The following PPARGC1A variants were observed in gnomAD, a reference collection of about 807,000 sequenced individuals.
The protein encoded by PPARGC1A is PPARG coactivator 1 alpha.
A neutral mutation model predicts 88.7 loss-of-function variants in PPARGC1A; 25 were observed. The observed-to-expected ratio is 0.28, with a 90% confidence interval of 0.21 to 0.39. PPARGC1A has a LOEUF of 0.39. PPARGC1A is among the 10% of genes least tolerant of loss of function. The pLI, the probability that PPARGC1A is intolerant of heterozygous loss-of-function variation, is 1.00. For synonymous variants in PPARGC1A, 363 were observed against 355.6 expected, an observed-to-expected ratio of 1.02 and a Z score of -0.24; for missense variants, 880 against 968.7, an observed-to-expected ratio of 0.91 and a Z score of 1.22.
the PPARGC1A span, among the ~76,000 whole-genome samples, chr4:24,353,023 C>T: frequency 1.3e-5 from 2 of 152,174 alleles, no homozygotes; most frequent in African/African-American, 4.8e-5. Flanking sequence ...CCAACGTTCT[C>T]TCTGGGTGAC....
chr4:24,374,241 C>T, the PPARGC1A span, among the ~76,000 whole-genome samples: 1 of 152,142 alleles, frequency 6.6e-6, no homozygotes, highest in Non-Finnish European at 1.5e-5. Context: ...TTCTATCTGC[C>T]TCTATCCCTG....
chr4:24,245,574 T>C, the PPARGC1A span, among the ~76,000 whole-genome samples: 2 of 152,318 alleles, frequency 1.3e-5, no homozygotes, highest in South Asian at 4.1e-4. Context: ...AGAAGTTAAT[T>C]TGAGGCACAT....
the PPARGC1A span, among the ~76,000 whole-genome samples, chr4:23,995,433 C>T: frequency 6.6e-6 from 1 of 152,180 alleles, no homozygotes; most frequent in African/African-American, 2.4e-5. Context: ...ACCATTTGAT[C>T]ATGTCACAGT....
At chr4:23,946,105 G>A in the PPARGC1A span, among the ~76,000 whole-genome samples, 1 of 152,132 alleles carries the variant, frequency 6.6e-6, no homozygotes, top group Non-Finnish European at 1.5e-5. Context: ...TAGGGGCAAA[G>A]CACAGGGAAT....
At chr4:24,425,646 G>A in the PPARGC1A span, among the ~76,000 whole-genome samples, 2 of 152,170 alleles carry the variant, frequency 1.3e-5, no homozygotes, top group Non-Finnish European at 2.9e-5. Context: ...GAAGTTAAAA[G>A]TAATAAATCA....
At chr4:24,108,726 C>G in the PPARGC1A span, among the ~76,000 whole-genome samples, 1 of 152,116 alleles carries the variant, frequency 6.6e-6, no homozygotes, top group Non-Finnish European at 1.5e-5. Flanking sequence ...TAAGTCACAG[C>G]TGTGCACATT....
the PPARGC1A span, among the ~76,000 whole-genome samples, chr4:24,000,512 GCT>G: frequency 6.3e-5 from 1 of 15,770 alleles, no homozygotes; most frequent in East Asian, 7.2e-4. Context: ...TGCAGCAGGT[GCT>G]TTTTTTTAAT....
At chr4:24,090,628 G>A in the PPARGC1A span, among the ~76,000 whole-genome samples, 3 of 152,204 alleles carry the variant, frequency 2.0e-5, no homozygotes, top group East Asian at 5.8e-4. Context: ...ACACAGAAGT[G>A]TTCTTTTTTC....
chr4:24,137,734 T>G, the PPARGC1A span, among the ~76,000 whole-genome samples: 1 of 152,138 alleles, frequency 6.6e-6, no homozygotes, highest in Non-Finnish European at 1.5e-5. Flanking sequence ...CATGGGAAGA[T>G]TCATATCTCA....
the PPARGC1A span, among the ~76,000 whole-genome samples, chr4:24,292,499 AC>A: frequency 4.1e-5 from 4 of 98,626 alleles, no homozygotes; most frequent in Non-Finnish European, 6.3e-5. Flanking sequence ...CTAACCCCTC[AC>A]CCCCACCCCT....
chr4:23,848,441 A>G lies in PPARGC1A; in HGVS notation c.235-16690T>C, dbSNP rs191651933. 1.6e-4 allele frequency among the ~76,000 whole-genome samples: 24 copies of G among 152,242 alleles called. No homozygotes were observed. In the East Asian group the frequency reaches 4.1e-3, roughly 26 times the overall value. Reference sequence around the variant, plus strand: ...AGTCCTCTTTGCCTGAGCTCCCATCAGTGGTTGTAGACAAACTTTCCAGGT... The same window carrying G: ...AGTCCTCTTTGCCTGAGCTCCCATCGGTGGTTGTAGACAAACTTTCCAGGT... On this transcript the variant is annotated intron_variant, in intron 2 of 12. Transcript: ENST00000264867.
the PPARGC1A span, among the ~76,000 whole-genome samples, chr4:24,008,075 C>T: frequency 2.0e-5 from 3 of 152,080 alleles, no homozygotes; most frequent in African/African-American, 4.8e-5. Context: ...GAACAAAGCA[C>T]GACAGAGAAG....
At chr4:24,123,019 GTGTGTGTGCA>G in the PPARGC1A span, among the ~76,000 whole-genome samples, 1 of 152,200 alleles carries the variant, frequency 6.6e-6, no homozygotes, top group Non-Finnish European at 1.5e-5. Context: ...TTGAGTGTGT[GTGTGTGTGCA>G]TGTGTGTGCA....
At chr4:24,173,325 G>C in the PPARGC1A span, among the ~76,000 whole-genome samples, 3 of 120,062 alleles carry the variant, frequency 2.5e-5, no homozygotes, top group Middle Eastern at 5.1e-3. Flanking sequence ...GGACAAATAA[G>C]TCCTTTCCCC....
the PPARGC1A span, among the ~76,000 whole-genome samples, chr4:23,935,196 G>A: frequency 6.6e-6 from 1 of 152,182 alleles, no homozygotes; most frequent in Non-Finnish European, 1.5e-5. Context: ...GCAGGATCAA[G>A]CACTGGCAAG....
the PPARGC1A span, among the ~76,000 whole-genome samples, chr4:24,436,876 C>G: frequency 9.7e-5 from 14 of 144,562 alleles, no homozygotes; most frequent in African/African-American, 1.5e-4. Flanking sequence ...GAGCTAATAT[C>G]TATTGGCCAC....
the PPARGC1A span, among the ~76,000 whole-genome samples, chr4:24,247,762 G>A: frequency 4.6e-5 from 7 of 152,128 alleles, no homozygotes; most frequent in Admixed American, 2.6e-4. Flanking sequence ...GAATGGAGTT[G>A]CAGGGCCCAT....
At chr4:24,397,365 A>G in the PPARGC1A span, among the ~76,000 whole-genome samples, 2 of 152,216 alleles carry the variant, frequency 1.3e-5, no homozygotes, top group Non-Finnish European at 2.9e-5. Context: ...TTTATAATGT[A>G]CTATGATCCT....
the PPARGC1A span, among the ~76,000 whole-genome samples, chr4:24,175,969 T>C: frequency 3.9e-5 from 6 of 151,994 alleles, no homozygotes; most frequent in Non-Finnish European, 8.8e-5. Context: ...CATCCTCAAA[T>C]GCAAACTCTC....
Sources: gnomAD v4.1 joint callset for allele counts (sites outside exome capture counted in the v4.1 genomes callset) on GRCh38, gnomAD v4.1.1 for gene constraint, MANE v1.5 for transcripts, NCBI Gene and HGNC (gene_info 2026-07-23, HGNC 2026-07-21) for gene names.